The following MCOLN3 variants were observed in gnomAD, a reference collection of about 807,000 sequenced individuals.
MCOLN3 encodes the protein mucolipin-3.
Under a neutral mutation model 69.4 loss-of-function variants are expected in MCOLN3, and 62 were observed. That is an observed-to-expected ratio of 0.89 (90% CI 0.73 to 1.10). MCOLN3 has a LOEUF of 1.10. MCOLN3 is among the 50% of genes least tolerant of loss of function. MCOLN3 has a pLI of 0.00. For synonymous variants in MCOLN3, 183 were observed against 217.0 expected (o/e 0.84, Z 1.38); for missense variants, 564 against 656.4 (o/e 0.86, Z 1.54).
intron 1 of MCOLN3, among the ~76,000 whole-genome samples, chr1:85,046,209 A>G (rs1653343739): frequency 6.6e-6 from 1 of 152,046 alleles, no homozygotes. Flanking sequence ...TGGGCCCTCA[A>G]TTTAAGCCTA....
chr1:85,034,327 C>A, intron 3 of MCOLN3, 76 bp from the exon 4 acceptor site: 2 of 1,470,174 alleles, frequency 1.4e-6, no homozygotes, highest in Non-Finnish European at 1.9e-6. Context: ...CCTCCCTCCC[C>A]ACCTCTGATC....
chr1:85,032,377 C>T (rs1028559060), intron 6 of MCOLN3, among the ~76,000 whole-genome samples: 3 of 152,112 alleles, frequency 2.0e-5, no homozygotes, highest in Non-Finnish European at 2.9e-5. Context: ...GAGAGCCAAC[C>T]ACACAGAACC....
At chr1:85,032,084 AAGAGAGAG>A (rs147505457) in intron 6 of MCOLN3, among the ~76,000 whole-genome samples, 1 of 148,874 alleles carries the variant, frequency 6.7e-6, no homozygotes, top group African/African-American at 2.5e-5. Context: ...TCAAAAAAAG[AAGAGAGAG>A]AGAGAGAGAG....
intron 3 of MCOLN3, chr1:85,036,603 A>G (rs1461221439): frequency 6.6e-6 from 1 of 152,224 alleles, no homozygotes; most frequent in African/African-American, 2.4e-5. Flanking sequence ...CTCTCTCAGA[A>G]TAACATTCAA....
intron 12 of MCOLN3, among the ~76,000 whole-genome samples, chr1:85,020,223 T>A (rs900887366): frequency 1.3e-5 from 2 of 152,216 alleles, no homozygotes; most frequent in Non-Finnish European, 2.9e-5. Flanking sequence ...ATTCGGTCCC[T>A]GAAATCTTGT....
At chr1:85,035,389 G>A (rs1445318348) in intron 3 of MCOLN3, among the ~76,000 whole-genome samples, 1 of 152,140 alleles carries the variant, frequency 6.6e-6, no homozygotes, top group African/African-American at 2.4e-5. Flanking sequence ...CCTTTCCACT[G>A]AATACCACAC....
rs76792526 is a variant in MCOLN3, at chr1:85,045,682, G to A, written c.-2-320C>T. 8.8e-3 allele frequency among the ~76,000 whole-genome samples: 1,340 copies of A among 152,286 alleles called. 24 individuals are homozygous for A. Among genetic ancestry groups the A allele is most frequent in the African/African-American group, 0.031 (1,285 of 41,566 alleles). On this transcript the variant is annotated intron_variant, in intron 1 of 12. Transcript: ENST00000370589. ...TTTTCTGCCTCACTCAGTATAGTTA[G>A]AGGATCAGAGACCTGAGGACCTGGG...
chr1:85,024,967 A>T (rs1004302302), intron 9 of MCOLN3: 1 of 152,148 alleles, frequency 6.6e-6, no homozygotes, highest in Non-Finnish European at 1.5e-5. Context: ...ATCCAGTGGG[A>T]TATGTACAGA....
rs1268743671 is a variant in MCOLN3 at position 85,026,357 on chromosome 1, A to G, written c.833-73T>C. On this transcript the variant is annotated intron_variant, in intron 7 of 12. Transcript: ENST00000370589. ...ATGGTGACATCTTCTTTTTAGAATC[A>G]TTTAAATAATTCAAGCATTCTTTCT... 3.0e-6 allele frequency: 3 copies of G among 992,224 alleles called. No homozygotes were observed. In the Admixed American group the frequency reaches 5.8e-5, roughly 19 times the overall value. 61.5% of individuals were successfully genotyped at this position (992,224 alleles called of 1,614,324 possible). A position where few individuals can be genotyped will look rare whatever the true frequency, so the allele number is the denominator to read the frequency against.
chr1:85,026,374 A>T, intron 7 of MCOLN3, 90 bp from the exon 8 acceptor site: 1 of 896,524 alleles, frequency 1.1e-6, no homozygotes, highest in Middle Eastern at 2.4e-4. Flanking sequence ...TAATTCAAGC[A>T]TTCTTTCTGG....
rs1357936502 is a variant in MCOLN3, at chr1:85,047,949, GC to G, written c.-3+446del. On this transcript the variant is annotated intron_variant, in intron 1 of 12. Coordinates refer to ENST00000370589, the MANE Select transcript of MCOLN3 (RefSeq NM_018298.11). ...CGGGCCTGAGCCCCCACTTCCAGCCGCCCCCACCTCTAACAGGGGGACAGTC... is the reference window on the plus strand; with the variant it reads ...CGGGCCTGAGCCCCCACTTCCAGCCGCCCCACCTCTAACAGGGGGACAGTC... Among the ~76,000 whole-genome samples, 8 of 152,260 alleles carry G rather than the reference GC, an allele frequency of 5.3e-5. No individual in the cohort carries two copies. The South Asian group carries it at 1.2e-3, about 24-fold the overall frequency.
Position 85,018,892 on chromosome 1 carries a change from A to G in MCOLN3, c.*231T>C. ...ATGGCAAAATAAACAAGAAATAATA[A>G]TAATCCAATAGCTTTCCTCATTAAA... is the stretch of plus-strand genomic sequence containing the variant. On this transcript the variant is annotated 3_prime_UTR_variant, in exon 13 of 13. Transcript: ENST00000370589. 2.3e-6 allele frequency: 1 copy of G among 442,488 alleles called. No homozygotes were observed. The highest frequency in any genetic ancestry group is 4.0e-6 in the Non-Finnish European group (1 of 252,080). The allele number at this position is 442,488 out of a possible 1,614,324, so 27.4% of individuals were successfully genotyped here.
At chr1:85,048,065 G>A (rs1653471330) in intron 1 of MCOLN3, among the ~76,000 whole-genome samples, 1 of 152,240 alleles carries the variant, frequency 6.6e-6, no homozygotes, top group African/African-American at 2.4e-5. Context: ...TCCGGGCGGG[G>A]GTGGCTTCCA....
chr1:85,037,993 G>A (rs1442373868), intron 3 of MCOLN3, among the ~76,000 whole-genome samples: 1 of 152,212 alleles, frequency 6.6e-6, no homozygotes, highest in Admixed American at 6.5e-5. Flanking sequence ...GGCACCAAAA[G>A]CAAGAGGTGG....
intron 9 of MCOLN3, among the ~76,000 whole-genome samples, chr1:85,024,216 C>CT (rs1308231784): frequency 2.0e-5 from 3 of 151,954 alleles, no homozygotes; most frequent in Admixed American, 6.6e-5. Flanking sequence ...AGATTAACTA[C>CT]TTTTTTGAGA....
intron 4 of MCOLN3, among the ~76,000 whole-genome samples, 175 bp from the exon 5 acceptor site, chr1:85,033,131 CAT>C (rs377008046): frequency 1.3e-5 from 2 of 152,260 alleles, no homozygotes; most frequent in African/African-American, 4.8e-5. Context: ...TACCGTGACT[CAT>C]GTGTTTTTAA....
intron 1 of MCOLN3, chr1:85,047,540 CTCT>C (rs1254381217): frequency 6.6e-6 from 1 of 152,240 alleles, no homozygotes; most frequent in East Asian, 1.9e-4. Flanking sequence ...ATCAGGCATG[CTCT>C]TAGAAGGAGC....
intron 3 of MCOLN3, among the ~76,000 whole-genome samples, chr1:85,038,726 C>G (rs1484768413): frequency 6.6e-6 from 1 of 152,156 alleles, no homozygotes; most frequent in East Asian, 1.9e-4. Flanking sequence ...TGCAGTGGCT[C>G]ACACCTGTAA....
intron 9 of MCOLN3, chr1:85,024,821 C>A (rs1290822361): frequency 1.3e-5 from 2 of 152,168 alleles, no homozygotes; most frequent in African/African-American, 4.8e-5. Flanking sequence ...AGTTAAACAT[C>A]TATTCCAATG....
Sources: gnomAD v4.1 joint callset for allele counts (sites outside exome capture counted in the v4.1 genomes callset) on GRCh38, gnomAD v4.1.1 for gene constraint, MANE v1.5 for transcripts, NCBI Gene and HGNC (gene_info 2026-07-23, HGNC 2026-07-21) for gene names.